The following AK7 variants were observed in gnomAD, a reference collection of about 807,000 sequenced individuals.
AK7 encodes ATP-AMP transphosphorylase 7.
In AK7, 78 loss-of-function variants were observed where a neutral mutation model predicts 96.6. The ratio of observed to expected loss-of-function variants is 0.81; its 90% CI spans 0.67 to 0.97. The LOEUF (loss-of-function observed/expected upper bound fraction) is 0.97. Ranked by LOEUF, AK7 falls within the 50% of genes least tolerant of loss-of-function variation. The pLI, the probability that AK7 is intolerant of heterozygous loss-of-function variation, is 0.00. For synonymous variants in AK7, 302 were observed against 317.2 expected, an observed-to-expected ratio of 0.95 and a Z score of 0.51; for missense variants, 855 against 887.9, an observed-to-expected ratio of 0.96 and a Z score of 0.47.
chr14:96,401,630 C>T (rs1023469043), intron 2 of AK7, among the ~76,000 whole-genome samples: 3 of 152,124 alleles, frequency 2.0e-5, no homozygotes, highest in African/African-American at 7.2e-5. Flanking sequence ...GTGCTCGCTT[C>T]AGCGGCACAT....
In AK7 at chr14:96,488,854, A is replaced by ATTTTTTTTTT. The variant is rs1895919244; in HGVS notation, c.*512_*513insTTTTTTTTTT. On this transcript the variant is annotated 3_prime_UTR_variant, in exon 18 of 18. Transcript: ENST00000267584. ...TTTTTTTTTTTTTTTAAATGAAGCAATGGTTAGGGAAAGGTTGCTTTGAGT... is the reference window on the plus strand; with the variant it reads ...TTTTTTTTTTTTTTTAAATGAAGCAATTTTTTTTTTTGGTTAGGGAAAGGTTGCTTTGAGT... 1 of 147,756 alleles carries ATTTTTTTTTT rather than the reference A, an allele frequency of 6.8e-6. No homozygotes were observed. 9.2% of individuals were successfully genotyped at this position (147,756 alleles called of 1,614,324 possible).
chr14:96,447,807 G>T (rs1223549603), intron 8 of AK7, among the ~76,000 whole-genome samples: 1 of 152,044 alleles, frequency 6.6e-6, no homozygotes, highest in African/African-American at 2.4e-5. Flanking sequence ...TCTAGATCTG[G>T]GACAGCTTCC....
intron 16 of AK7, among the ~76,000 whole-genome samples, chr14:96,485,119 T>C (rs1895700831): frequency 1.3e-5 from 2 of 152,238 alleles, no homozygotes; most frequent in Non-Finnish European, 2.9e-5. Flanking sequence ...CAGGTGGCTA[T>C]TTCCCTACAC....
At chr14:96,469,904 G>C (rs567670962) in intron 12 of AK7, among the ~76,000 whole-genome samples, 1 of 152,146 alleles carries the variant, frequency 6.6e-6, no homozygotes, top group East Asian at 1.9e-4. Context: ...TGCAACCTCC[G>C]CCTCCCGGGT....
At chr14:96,404,108 C>A (rs371434950) in intron 2 of AK7, among the ~76,000 whole-genome samples, 18 of 144,390 alleles carry the variant, frequency 1.2e-4, no homozygotes, top group African/African-American at 4.2e-4. Context: ...CACGCCACTG[C>A]ACTCCAGCCT....
intron 1 of AK7, among the ~76,000 whole-genome samples, chr14:96,395,067 G>A (rs992041983): frequency 1.3e-5 from 2 of 152,244 alleles, no homozygotes; most frequent in South Asian, 2.1e-4. Flanking sequence ...TCTCATTAAC[G>A]TCGGCCAGGC....
At chr14:96,401,043 C>CT (rs1421030722) in intron 2 of AK7, among the ~76,000 whole-genome samples, 1 of 152,216 alleles carries the variant, frequency 6.6e-6, no homozygotes, top group Non-Finnish European at 1.5e-5. Flanking sequence ...GCACACCTCT[C>CT]TGTCAGGTGT....
intron 8 of AK7, 72 bp from the exon 9 acceptor site, chr14:96,449,729 TG>T: frequency 8.7e-7 from 1 of 1,149,218 alleles, no homozygotes; most frequent in Non-Finnish European, 1.3e-6. Context: ...CCACTGCGCC[TG>T]GCCCATTTGA....
chr14:96,410,342 CT>C (rs575507157), intron 4 of AK7, among the ~76,000 whole-genome samples: 187 of 152,320 alleles, frequency 1.2e-3, no homozygotes, highest in African/African-American at 4.2e-3. Flanking sequence ...AGTCAATGGA[CT>C]GGCTGACCAC....
intron 5 of AK7, among the ~76,000 whole-genome samples, chr14:96,435,729 G>T (rs563503770): frequency 2.2e-4 from 33 of 152,280 alleles, no homozygotes; most frequent in African/African-American, 7.9e-4. Flanking sequence ...ATACCGGAGA[G>T]CCCCCTCTGA....
chr14:96,403,417 G>A (rs928069953), intron 2 of AK7, among the ~76,000 whole-genome samples: 2 of 152,152 alleles, frequency 1.3e-5, no homozygotes, highest in Non-Finnish European at 2.9e-5. Flanking sequence ...TTCCAGAACA[G>A]TGAGACTTTG....
chr14:96,471,719 T>G, intron 13 of AK7, 113 bp downstream of exon 13: 1 of 980,936 alleles, frequency 1.0e-6, no homozygotes, highest in Non-Finnish European at 1.4e-6. Flanking sequence ...GACTATTTAT[T>G]TTTGAGCTTT....
At position 96,488,363 on chromosome 14, in the gene AK7, T is replaced by C. The variant is rs1895891642; in HGVS notation, c.*20T>C. ...CAGTGAAACTTGAAAGATCTGGTAT[T>C]ATCTACCTTTACAGAACCACAGATC... On this transcript the variant is annotated 3_prime_UTR_variant, in exon 18 of 18. Coordinates refer to ENST00000267584, the MANE Select transcript of AK7 (RefSeq NM_152327.5). 5 of 1,606,986 alleles carry C rather than the reference T, an allele frequency of 3.1e-6. No individual in the cohort carries two copies. In the East Asian group the frequency reaches 8.9e-5, roughly 29 times the overall value.
intron 16 of AK7, among the ~76,000 whole-genome samples, chr14:96,486,140 C>T (rs1895760653): frequency 6.6e-6 from 1 of 152,116 alleles, no homozygotes; most frequent in African/African-American, 2.4e-5. Context: ...ATGACTTCAC[C>T]ATAAAGAAAA....
intron 6 of AK7, among the ~76,000 whole-genome samples, chr14:96,439,886 G>A (rs1434436799): frequency 4.6e-5 from 7 of 152,154 alleles, no homozygotes; most frequent in African/African-American, 1.4e-4. Flanking sequence ...AAAGGAGGGG[G>A]GTGCAAAGAA....
intron 1 of AK7, among the ~76,000 whole-genome samples, chr14:96,395,466 G>A (rs763685500): frequency 6.6e-6 from 1 of 152,094 alleles, no homozygotes; most frequent in Non-Finnish European, 1.5e-5. Context: ...AAGTGGATGA[G>A]TGGACCTACA....
chr14:96,438,545 A>G (rs1032112347), intron 6 of AK7, among the ~76,000 whole-genome samples: 5 of 152,230 alleles, frequency 3.3e-5, no homozygotes, highest in Non-Finnish European at 5.9e-5. Flanking sequence ...TGTGCTGGCT[A>G]CATTTGAAGA....
At chr14:96,432,428 TATG>T (rs1434122910) in intron 5 of AK7, among the ~76,000 whole-genome samples, 3 of 152,146 alleles carry the variant, frequency 2.0e-5, no homozygotes, top group Non-Finnish European at 4.4e-5. Context: ...ATCCTGTCAT[TATG>T]ATGTTAGCTG....
At chr14:96,442,004 T>C (rs1390307220) in intron 6 of AK7, among the ~76,000 whole-genome samples, 2 of 152,180 alleles carry the variant, frequency 1.3e-5, no homozygotes, top group Non-Finnish European at 2.9e-5. Context: ...CTTCAATACT[T>C]TCTGAAAGTC....
Sources: gnomAD v4.1 joint callset for allele counts (sites outside exome capture counted in the v4.1 genomes callset) on GRCh38, gnomAD v4.1.1 for gene constraint, MANE v1.5 for transcripts, NCBI Gene and HGNC (gene_info 2026-07-23, HGNC 2026-07-21) for gene names.